The following NSF variants were observed in gnomAD, a reference collection of about 807,000 sequenced individuals.
The protein encoded by NSF is vesicle-fusing ATPase.
In NSF, 14 loss-of-function variants were observed where a neutral mutation model predicts 50.3. The ratio of observed to expected loss-of-function variants is 0.28; its 90% CI spans 0.18 to 0.44. NSF has a LOEUF of 0.44. NSF is among the 20% of genes least tolerant of loss of function. The pLI is 1.00. For synonymous variants in NSF, 109 were observed against 175.7 expected, an observed-to-expected ratio of 0.62 and a Z score of 3.00; for missense variants, 218 against 504.3, an observed-to-expected ratio of 0.43 and a Z score of 5.44.
At chr17:46,708,335 C>T (rs1483799909) in intron 13 of NSF, among the ~76,000 whole-genome samples, 1 of 152,136 alleles carries the variant, frequency 6.6e-6, no homozygotes, top group East Asian at 1.9e-4. Context: ...TCTGACTTCT[C>T]CACATGCTCA....
At chr17:46,679,337 T>TA (rs962647132) in intron 9 of NSF, among the ~76,000 whole-genome samples, 4 of 140,932 alleles carry the variant, frequency 2.8e-5, no homozygotes, top group African/African-American at 1.1e-4. Context: ...TTAAAAGTTT[T>TA]AAAAATAAAT....
Position 46,711,053 on chromosome 17 carries a change from G to A in NSF, c.1561G>A (p.Gly521Arg). 2 of 1,589,362 alleles carry A rather than the reference G, an allele frequency of 1.3e-6. No homozygotes were observed. The highest frequency in any genetic ancestry group is 1.7e-6 in the Non-Finnish European group (2 of 1,171,418). ...GDPVTRVLDD[G>R]ELLVQQTKNS... ...CCCAGTTACTCGAGTTCTAGATGATGGGGAGCTGCTGGTGCAGCAGACTAA... is the reference window on the plus strand; with the variant it reads ...CCCAGTTACTCGAGTTCTAGATGATAGGGAGCTGCTGGTGCAGCAGACTAA... Residue 521 changes from glycine to arginine, a missense_variant, in exon 14 of 21, where the codon GGG becomes AGG. Gly to Arg is a moderately radical substitution (Grantham distance 125). Around this residue, in one of 2 missense-constraint regions of NSF, gnomAD observed 209 missense variants for 320.9 expected, o/e 0.65. Transcript: ENST00000398238.
chr17:46,599,984 G>T (rs1598634597), intron 1 of NSF, among the ~76,000 whole-genome samples: 5 of 67,374 alleles, frequency 7.4e-5, no homozygotes, highest in Admixed American at 1.6e-4. Flanking sequence ...TAGAGGCTGA[G>T]TCTCACTTGG....
chr17:46,735,947 A>G (rs1382210956), intron 17 of NSF, among the ~76,000 whole-genome samples: 1 of 152,148 alleles, frequency 6.6e-6, no homozygotes, highest in South Asian at 2.1e-4. Context: ...CTCTGTCTCA[A>G]AAAAAGAATT....
chr17:46,691,633 C>T (rs1298096404), intron 9 of NSF, among the ~76,000 whole-genome samples: 5 of 151,600 alleles, frequency 3.3e-5, no homozygotes, highest in Non-Finnish European at 5.9e-5. Context: ...ATATCCTTAT[C>T]GGAGATTTAA....
chr17:46,732,660 A>G (rs1222900910), intron 17 of NSF, among the ~76,000 whole-genome samples: 1 of 152,198 alleles, frequency 6.6e-6, no homozygotes, highest in Non-Finnish European at 1.5e-5. Context: ...AGTGAAAAAC[A>G]TCATCACATT....
At chr17:46,642,573 GT>G in intron 7 of NSF, among the ~76,000 whole-genome samples, 1 of 116,090 alleles carries the variant, frequency 8.6e-6, no homozygotes, top group South Asian at 2.8e-4. Flanking sequence ...TCAGACTTTT[GT>G]GTCCAAGTGA....
At chr17:46,721,296 T>G (rs2058828593) in intron 15 of NSF, among the ~76,000 whole-genome samples, 1 of 152,156 alleles carries the variant, frequency 6.6e-6, no homozygotes. Flanking sequence ...ATAACGGGCT[T>G]CTGTGTTTTC....
intron 17 of NSF, among the ~76,000 whole-genome samples, chr17:46,742,160 A>G (rs1430097947): frequency 1.3e-5 from 2 of 152,242 alleles, no homozygotes; most frequent in Non-Finnish European, 2.9e-5. Context: ...TCAATTGATT[A>G]AAAGAGATAA....
chr17:46,754,330 T>TA (rs943996941), intron 19 of NSF, among the ~76,000 whole-genome samples: 265 of 146,162 alleles, frequency 1.8e-3, no homozygotes, highest in African/African-American at 4.4e-3. Flanking sequence ...GAAGAAATCT[T>TA]AAAAAAAAAA....
chr17:46,721,682 T>C, intron 15 of NSF: 3 of 1,605,652 alleles, frequency 1.9e-6, no homozygotes, highest in Non-Finnish European at 2.6e-6. Context: ...ATTGTTCTGC[T>C]GTGCTTTGTC....
chr17:46,749,678 A>C lies in NSF; in HGVS notation c.1909-95A>C, dbSNP rs144599950. ...CCTAATCATTTGCATCGGCAAGATT[A>C]AATAAAAGTCTTTTGCAAATTGTGT... On this transcript the variant is annotated intron_variant, in intron 17 of 20. Coordinates refer to ENST00000398238, the MANE Select transcript of NSF (RefSeq NM_006178.4). 1.7e-3 allele frequency: 2,007 copies of C among 1,187,178 alleles called. 21 individuals carry two copies. The African/African-American group carries it at 0.022, about 13-fold the overall frequency. The allele number at this position is 1,187,178 out of a possible 1,614,324, so 73.5% of individuals were successfully genotyped here. A position where few individuals can be genotyped will look rare whatever the true frequency, so the allele number is the denominator to read the frequency against.
At chr17:46,635,777 A>ATGTGTGTGTGTGTGTGTGTGTGTGTG (rs148930686) in intron 4 of NSF, among the ~76,000 whole-genome samples, 6 of 116,704 alleles carry the variant, frequency 5.1e-5, no homozygotes, top group East Asian at 2.0e-4. Context: ...GGGAAAATAA[A>ATGTGTGTGTGTGTGTGTGTGTGTGTG]TGTGTGTGTG....
At chr17:46,738,478 T>C (rs1427980383) in intron 17 of NSF, among the ~76,000 whole-genome samples, 1 of 152,186 alleles carries the variant, frequency 6.6e-6, no homozygotes, top group South Asian at 2.1e-4. Context: ...AAGCAAAGTA[T>C]AATAAACTCT....
intron 19 of NSF, 106 bp from the exon 20 acceptor site, chr17:46,755,208 C>CA: frequency 1.3e-6 from 1 of 784,508 alleles, no homozygotes; most frequent in Admixed American, 1.9e-5. Flanking sequence ...AGTGACCTAG[C>CA]AGAGCATTGA....
chr17:46,694,247 T>C (rs2058573397), intron 11 of NSF, among the ~76,000 whole-genome samples: 1 of 137,030 alleles, frequency 7.3e-6, no homozygotes. Flanking sequence ...CTTAGCCGAG[T>C]GTGGTGGTGT....
chr17:46,740,683 C>G (rs1232960445), intron 17 of NSF, among the ~76,000 whole-genome samples: 1 of 147,156 alleles, frequency 6.8e-6, no homozygotes, highest in Non-Finnish European at 1.5e-5. Flanking sequence ...TTTTTGGACA[C>G]CAAGTTTTGC....
At chr17:46,722,202 A>G in intron 15 of NSF, 1 of 1,557,876 alleles carries the variant, frequency 6.4e-7, no homozygotes, top group South Asian at 1.1e-5. Context: ...GCGCCTGCTT[A>G]GGAAGAGACC....
At chr17:46,716,150 T>G (rs1056639464) in intron 15 of NSF, among the ~76,000 whole-genome samples, 1 of 152,142 alleles carries the variant, frequency 6.6e-6, no homozygotes, top group Non-Finnish European at 1.5e-5. Flanking sequence ...GCCTGAGGGG[T>G]CAAACCAGTC....
Sources: gnomAD v4.1 joint callset for allele counts (sites outside exome capture counted in the v4.1 genomes callset) on GRCh38, gnomAD v4.1.1 for gene constraint, gnomAD v4.1.1 regional missense constraint, MANE v1.5 for transcripts, NCBI Gene and HGNC (gene_info 2026-07-23, HGNC 2026-07-21) for gene names.